RNF14: variants seen among roughly 807,000 people sequenced by gnomAD.
RNF14 encodes the protein ring finger protein 14.
RNF14 carries 26 observed loss-of-function variants against 52.6 expected under a neutral mutation model. That is an observed-to-expected ratio of 0.49 (90% CI 0.36 to 0.69). The LOEUF is 0.69. Ranked by LOEUF, RNF14 falls within the 30% of genes least tolerant of loss-of-function variation. The pLI, the probability that RNF14 is intolerant of heterozygous loss-of-function variation, is 0.00. For missense variants in RNF14, 404 were observed against 560.4 expected (o/e 0.72, Z 2.82); for synonymous variants, 194 against 202.0 (o/e 0.96, Z 0.34).
rs1755513154 is a variant in RNF14, at chr5:141,990,235, T to G, written c.*2445T>G. 6.6e-6 allele frequency: 1 copy of G among 152,200 alleles called. No homozygotes were observed. 9.4% of individuals were successfully genotyped at this position (152,200 alleles called of 1,614,324 possible). ...CAAATGCCCTGTAAAACAAATGGGT[T>G]TGTGGAAGGTTGTGGTGTCAGCAAA... On this transcript the variant is annotated 3_prime_UTR_variant, in exon 9 of 9. Coordinates refer to ENST00000394520, the MANE Select transcript of RNF14 (RefSeq NM_004290.5).
chr5:141,985,156 A>C (rs898140576), intron 8 of RNF14, among the ~76,000 whole-genome samples: 7 of 152,240 alleles, frequency 4.6e-5, no homozygotes, highest in Non-Finnish European at 1.0e-4. Context: ...CAAACACAGA[A>C]AATTTGAAAG....
the RNF14 span, among the ~76,000 whole-genome samples, chr5:141,951,775 G>GGGTCAGGGAC: frequency 4.7e-4 from 71 of 152,388 alleles, 1 homozygote; most frequent in South Asian, 0.013. Context: ...CAGGTCCCCT[G>GGGTCAGGGAC]CTCTGTCATG....
chr5:141,969,401 C>T (rs997758626), intron 1 of RNF14: 1 of 152,378 alleles, frequency 6.6e-6, no homozygotes, highest in African/African-American at 2.4e-5. Context: ...GGCCCTGCTC[C>T]TTCGGGACGC....
At chr5:141,975,446 C>T (rs997936110) in intron 4 of RNF14, among the ~76,000 whole-genome samples, 11 of 152,104 alleles carry the variant, frequency 7.2e-5, no homozygotes, top group African/African-American at 1.7e-4. Context: ...TAACAAATAA[C>T]AGTCAACTGG....
chr5:141,973,743 G>T lies in RNF14; in HGVS notation c.154+1G>T. 6.3e-7 allele frequency: 1 copy of T among 1,593,832 alleles called. No individual in the cohort carries two copies. The highest frequency in any genetic ancestry group is 8.5e-7 in the Non-Finnish European group (1 of 1,173,264). ...CAGAATTTCAAGATATTTGTGAGCG[G>T]TTAGTTAATAATTTCTTAAACAGAT... On this transcript the variant is annotated splice_donor_variant, in intron 3 of 8. Transcript: ENST00000394520. LOFTEE classifies it high-confidence loss of function.
intron 2 of RNF14, among the ~76,000 whole-genome samples, chr5:141,973,382 C>T (rs1380766293): frequency 1.3e-5 from 2 of 152,028 alleles, no homozygotes; most frequent in African/African-American, 4.8e-5. Flanking sequence ...GGATTACAGG[C>T]ACCTGCCACC....
the RNF14 span, chr5:141,951,637 C>T: frequency 3.0e-6 from 4 of 1,331,878 alleles, no homozygotes; most frequent in Non-Finnish European, 2.2e-6. Flanking sequence ...TCCGACTCAG[C>T]ACACTTCCTC....
chr5:141,969,811 GCTC>G (rs1415900132), intron 1 of RNF14: 2 of 152,206 alleles, frequency 1.3e-5, no homozygotes, highest in Non-Finnish European at 2.9e-5. Flanking sequence ...TTAAAAAACA[GCTC>G]CTCAGAAGAT....
chr5:141,951,622 A>G, the RNF14 span: 6 of 1,476,608 alleles, frequency 4.1e-6, no homozygotes, highest in Middle Eastern at 1.7e-4. Flanking sequence ...TTGACTCCAC[A>G]CAATTCCGAC....
At chr5:141,953,238 G>A in the RNF14 span, 1 of 152,176 alleles carries the variant, frequency 6.6e-6, no homozygotes, top group African/African-American at 2.4e-5. Flanking sequence ...GTGTGGCCTT[G>A]AGGAATTACT....
chr5:141,963,643 T>C (rs764582052), upstream of RNF14, among the ~76,000 whole-genome samples: 4 of 152,230 alleles, frequency 2.6e-5, no homozygotes, highest in Non-Finnish European at 4.4e-5. Flanking sequence ...ACTCATTTAT[T>C]TGGTGGAATT....
chr5:141,973,625 T>C lies in RNF14; in HGVS notation c.37T>C (p.Leu13=), dbSNP rs1440723460. 1.9e-6 allele frequency: 3 copies of C among 1,613,806 alleles called. No individual in the cohort carries two copies. Among genetic ancestry groups the C allele is most frequent in the South Asian group, 1.1e-5 (1 of 91,000 alleles). ...SEDREAQEDE[L]LALASIYDGD... is the part of the protein sequence containing the mutation. Reference sequence around the variant, plus strand: ...AGATCGAGAAGCTCAGGAGGATGAATTGCTGGCCCTGGCAAGTATTTACGA... The same window carrying C: ...AGATCGAGAAGCTCAGGAGGATGAACTGCTGGCCCTGGCAAGTATTTACGA... Residue 13 remains leucine (L), a synonymous_variant, in exon 3 of 9, where the codon TTG becomes CTG. Transcript: ENST00000394520.
At chr5:141,950,475 G>A in the RNF14 span, among the ~76,000 whole-genome samples, 50 of 152,326 alleles carry the variant, frequency 3.3e-4, no homozygotes, top group African/African-American at 1.1e-3. Context: ...CAAGGTCCAT[G>A]CACCGTCTTA....
chr5:141,961,046 A>G (rs1403292111), intron 1 of RNF14, among the ~76,000 whole-genome samples: 1 of 152,240 alleles, frequency 6.6e-6, no homozygotes, highest in Admixed American at 6.5e-5. Flanking sequence ...GAAGCTACTC[A>G]CTGATGACAA....
At chr5:141,957,922 T>G, upstream of RNF14, 1 of 1,524,606 alleles carries the variant, frequency 6.6e-7, no homozygotes, top group Non-Finnish European at 8.8e-7. This position sits in a 1 kb window ranked among gnomAD's most constrained non-coding sequence, Gnocchi z 4.3. Context: ...CCTCCAGTGT[T>G]TCCTGGATGG....
chr5:141,951,120 G>A, the RNF14 span, among the ~76,000 whole-genome samples: 1 of 152,196 alleles, frequency 6.6e-6, no homozygotes, highest in Non-Finnish European at 1.5e-5. Flanking sequence ...TTAGTGGGGA[G>A]CCTTCATATT....
At chr5:141,985,713 C>T (rs905503005) in intron 8 of RNF14, among the ~76,000 whole-genome samples, 10 of 152,146 alleles carry the variant, frequency 6.6e-5, no homozygotes, top group East Asian at 3.9e-4. Flanking sequence ...CCACCACGCC[C>T]GGCTAATTTT....
chr5:141,977,626 G>A (rs1460645334), intron 4 of RNF14, among the ~76,000 whole-genome samples: 1 of 152,174 alleles, frequency 6.6e-6, no homozygotes, highest in East Asian at 1.9e-4. Flanking sequence ...CTCTATGGCT[G>A]CCAAACCTTG....
chr5:141,959,292 T>A (rs1171145300), intron 1 of RNF14, among the ~76,000 whole-genome samples: 2 of 151,898 alleles, frequency 1.3e-5, no homozygotes, highest in Non-Finnish European at 2.9e-5. Context: ...TGCCCCCAAC[T>A]CTCCTTTTAG....
Sources: allele counts gnomAD v4.1 joint callset (sites outside exome capture counted in the v4.1 genomes callset), GRCh38; gene constraint gnomAD v4.1.1; non-coding constraint Gnocchi (gnomAD v3.1); transcripts MANE v1.5; gene names NCBI Gene and HGNC (gene_info 2026-07-23, HGNC 2026-07-21).